PRDM5: variants seen among roughly 807,000 people sequenced by gnomAD.
PRDM5 encodes the protein PR domain zinc finger protein 5.
In PRDM5, 56 loss-of-function variants were observed where a neutral mutation model predicts 81.2. The ratio of observed to expected loss-of-function variants is 0.69; its 90% CI spans 0.56 to 0.86. The LOEUF is 0.86. Ranked by LOEUF, PRDM5 falls within the 40% of genes least tolerant of loss-of-function variation. PRDM5 has a pLI of 0.00. For missense variants in PRDM5, 697 were observed against 770.1 expected (o/e 0.91, Z 1.12); for synonymous variants, 267 against 256.4 (o/e 1.04, Z -0.39).
At chr4:120,877,428 A>G (rs529124090) in intron 2 of PRDM5, among the ~76,000 whole-genome samples, 1 of 152,366 alleles carries the variant, frequency 6.6e-6, no homozygotes, top group South Asian at 2.1e-4. Context: ...TTCCTGGGAT[A>G]ACTGTGCAAT....
intron 2 of PRDM5, among the ~76,000 whole-genome samples, chr4:120,876,542 C>T (rs951311765): frequency 2.0e-5 from 3 of 152,034 alleles, no homozygotes; most frequent in Admixed American, 6.5e-5. Flanking sequence ...ACATATATTG[C>T]ATTATAACAG....
rs545355489 is a variant in PRDM5 at position 120,710,534 on chromosome 4, A to C, written c.1624-121T>G. ...CTGCAGCAAATTTACAGGTATGCTG[A>C]TATGGTTTGGCTGTGCCCCACCCAA... On this transcript the variant is annotated intron_variant, in intron 14 of 15. Transcript: ENST00000264808. 13 of 817,848 alleles carry C rather than the reference A, an allele frequency of 1.6e-5. No homozygotes were observed. In the East Asian group the frequency reaches 3.2e-4, roughly 20 times the overall value. 50.7% of individuals were successfully genotyped at this position (817,848 alleles called of 1,614,324 possible). A position where few individuals can be genotyped will look rare whatever the true frequency, so the allele number is the denominator to read the frequency against.
At chr4:120,857,692 T>TTACAGAAAACCCTAAC (rs1760043212) in intron 2 of PRDM5, among the ~76,000 whole-genome samples, 1 of 152,098 alleles carries the variant, frequency 6.6e-6, no homozygotes, top group Non-Finnish European at 1.5e-5. Flanking sequence ...CTCAGCTCAA[T>TTACAGAAAACCCTAAC]TACAGAAAAC....
At chr4:120,816,390 A>G in intron 7 of PRDM5, 63 bp downstream of exon 7, 1 of 1,613,438 alleles carries the variant, frequency 6.2e-7, no homozygotes, top group Non-Finnish European at 8.5e-7. Flanking sequence ...AGAATTAAAA[A>G]CAGATCGCTG....
intron 13 of PRDM5, among the ~76,000 whole-genome samples, chr4:120,760,579 T>C (rs1745459783): frequency 6.6e-6 from 1 of 152,222 alleles, no homozygotes; most frequent in South Asian, 2.1e-4. Flanking sequence ...TTCTTTAAAT[T>C]ATGTGTTGAC....
chr4:120,812,879 C>T (rs1268089536), intron 7 of PRDM5: 6 of 209,772 alleles, frequency 2.9e-5, no homozygotes, highest in Non-Finnish European at 6.0e-5. Context: ...TAAAATTAAC[C>T]AAATGTGTTT....
chr4:120,787,941 TAAAG>T (rs1750003929), intron 10 of PRDM5, among the ~76,000 whole-genome samples: 1 of 152,132 alleles, frequency 6.6e-6, no homozygotes. Flanking sequence ...AAATTAAAAA[TAAAG>T]ATACTATCTG....
At chr4:120,802,459 T>C (rs1487881778) in intron 8 of PRDM5, among the ~76,000 whole-genome samples, 3 of 152,148 alleles carry the variant, frequency 2.0e-5, no homozygotes, top group African/African-American at 7.2e-5. Flanking sequence ...CATCCGCCAA[T>C]AGGGGCAGAC....
At chr4:120,759,950 T>C (rs939390500) in intron 13 of PRDM5, among the ~76,000 whole-genome samples, 2 of 152,234 alleles carry the variant, frequency 1.3e-5, no homozygotes, top group Non-Finnish European at 2.9e-5. Context: ...TTCAGAATGC[T>C]TAACACACAT....
Position 120,710,376 on chromosome 4 carries a change from A to G in PRDM5, c.1661T>C (p.Phe554Ser). The change falls in exon 15 of 16, where the codon TTC (phenylalanine) becomes TCC (serine). Residue 554 changes from phenylalanine to serine, a missense_variant. Physicochemically the swap from Phe to Ser is radical, Grantham distance 155. Coordinates refer to ENST00000264808, the MANE Select transcript of PRDM5 (RefSeq NM_018699.4). ...CTCATCCAGGCCTCGCTTCTGGCTG[A>G]AGGCCTTGCTGCACTCTGAGCACTT... ...PYKCSECSKA[F>S]SQKRGLDEHK... is the part of the protein sequence containing the mutation. 1 of 1,614,058 alleles carries G rather than the reference A, an allele frequency of 6.2e-7. No homozygotes were observed.
intron 14 of PRDM5, among the ~76,000 whole-genome samples, chr4:120,747,018 A>G (rs978399534): frequency 5.4e-5 from 8 of 148,050 alleles, no homozygotes; most frequent in African/African-American, 2.0e-4. Context: ...ACAATAGCAA[A>G]GACTTGGAAC....
chr4:120,774,904 A>ATG (rs1229913406), intron 13 of PRDM5, among the ~76,000 whole-genome samples: 1 of 111,094 alleles, frequency 9.0e-6, no homozygotes, highest in African/African-American at 3.2e-5. Context: ...ATATATATAT[A>ATG]TATGTATATG....
intron 14 of PRDM5, among the ~76,000 whole-genome samples, chr4:120,751,658 G>T (rs1744028015): frequency 6.6e-6 from 1 of 152,164 alleles, no homozygotes; most frequent in Non-Finnish European, 1.5e-5. Context: ...AAATCCACCA[G>T]CCTTCACCTC....
At chr4:120,874,375 AG>A (rs1415363747) in intron 2 of PRDM5, among the ~76,000 whole-genome samples, 1 of 152,182 alleles carries the variant, frequency 6.6e-6, no homozygotes, top group Non-Finnish European at 1.5e-5. Context: ...AAAGCAGTGG[AG>A]GTGAAATGTT....
At chr4:120,907,838 T>C (rs1368090025) in intron 1 of PRDM5, among the ~76,000 whole-genome samples, 1 of 152,248 alleles carries the variant, frequency 6.6e-6, no homozygotes, top group Non-Finnish European at 1.5e-5. Flanking sequence ...GTATTTCATA[T>C]GTTTCAATCC....
intron 13 of PRDM5, among the ~76,000 whole-genome samples, chr4:120,774,948 GTGTATA>G (rs988349492): frequency 9.3e-6 from 1 of 108,108 alleles, no homozygotes; most frequent in Non-Finnish European, 2.2e-5. Flanking sequence ...ATATATGTGT[GTGTATA>G]TGTATATGTA....
intron 2 of PRDM5, among the ~76,000 whole-genome samples, chr4:120,907,084 T>C (rs1213611475): frequency 2.7e-5 from 4 of 150,652 alleles, no homozygotes; most frequent in African/African-American, 4.9e-5. Context: ...CCTGTAATCA[T>C]AGCACTCTGG....
At position 120,763,511 on chromosome 4, in the gene PRDM5, A is replaced by T. The variant is rs547425772; in HGVS notation, c.1538-8873T>A. 5.9e-5 allele frequency among the ~76,000 whole-genome samples: 9 copies of T among 152,198 alleles called. No homozygotes were observed. The South Asian group carries it at 1.9e-3, about 32-fold the overall frequency. On this transcript the variant is annotated intron_variant, in intron 13 of 15. Transcript: ENST00000264808. ...GGACTGTTCCACAAACAGCAGAAAGATCTGAACAATCCAGACACTGGCCAA... is the reference window on the plus strand; with the variant it reads ...GGACTGTTCCACAAACAGCAGAAAGTTCTGAACAATCCAGACACTGGCCAA...
At chr4:120,744,480 A>C (rs1742656659) in intron 14 of PRDM5, among the ~76,000 whole-genome samples, 1 of 151,808 alleles carries the variant, frequency 6.6e-6, no homozygotes, top group Non-Finnish European at 1.5e-5. Flanking sequence ...CAAAAAATTA[A>C]TGAATCCAGG....
Sources: allele counts gnomAD v4.1 joint callset (sites outside exome capture counted in the v4.1 genomes callset), GRCh38; gene constraint gnomAD v4.1.1; transcripts MANE v1.5; gene names NCBI Gene and HGNC (gene_info 2026-07-23, HGNC 2026-07-21).